Variants in PRRT1B observed in about 807,000 individuals in gnomAD.
PRRT1B encodes the protein dispanin subfamily D member 2.
intron 1 of PRRT1B, among the ~76,000 whole-genome samples, chr9:131,550,642 A>C (rs11243420): frequency 6.6e-6 from 1 of 151,670 alleles, no homozygotes; most frequent in Non-Finnish European, 1.5e-5. Flanking sequence ...CTTATGCAAG[A>C]GTCGGGACTG....
chr9:131,548,519 C>T (rs1017598684), intron 1 of PRRT1B, among the ~76,000 whole-genome samples: 2 of 152,130 alleles, frequency 1.3e-5, no homozygotes, highest in Non-Finnish European at 2.9e-5. Context: ...TAATTCTTGT[C>T]GTAAAATGGG....
rs1166093078 is a variant in PRRT1B at position 131,554,219 on chromosome 9, G to T, written c.26-338G>T. On this transcript the variant is annotated intron_variant, in intron 1 of 3. Transcript: ENST00000636672. ...AGCCAATCAGGGGCTTCCCTGGGCG[G>T]ATTATCCTTTTCTGGTCCAATTAGC... 2.0e-5 allele frequency among the ~76,000 whole-genome samples: 3 copies of T among 151,758 alleles called. No individual in the cohort carries two copies. The East Asian group carries it at 5.8e-4, about 29-fold the overall frequency.
chr9:131,557,388 A>G (rs545117538), intron 3 of PRRT1B, among the ~76,000 whole-genome samples: 1 of 152,056 alleles, frequency 6.6e-6, no homozygotes, highest in Non-Finnish European at 1.5e-5. Context: ...AAAATACAAA[A>G]ATTAGCCGGG....
chr9:131,556,001 GC>G (rs1266417884), intron 2 of PRRT1B, 68 bp from the exon 3 acceptor site: 1 of 399,378 alleles, frequency 2.5e-6, no homozygotes, highest in East Asian at 3.6e-5. Flanking sequence ...GGCCTGGCTG[GC>G]CTTCTCACTC....
At chr9:131,546,528 C>T (rs1188570562) in intron 1 of PRRT1B, among the ~76,000 whole-genome samples, 3 of 151,814 alleles carry the variant, frequency 2.0e-5, no homozygotes, top group Non-Finnish European at 4.4e-5. Context: ...GCCCCCTCAT[C>T]CCCCAGCGCG....
chr9:131,549,648 C>G (rs960553648), intron 1 of PRRT1B, among the ~76,000 whole-genome samples: 1 of 152,152 alleles, frequency 6.6e-6, no homozygotes, highest in Non-Finnish European at 1.5e-5. Flanking sequence ...AAGTCCGTCC[C>G]CTTCTTAATC....
intron 3 of PRRT1B, among the ~76,000 whole-genome samples, chr9:131,557,317 T>A (rs1322903376): frequency 6.6e-6 from 1 of 151,942 alleles, no homozygotes; most frequent in Non-Finnish European, 1.5e-5. Context: ...GGTGGGTGGG[T>A]CACCTGAGGT....
intron 2 of PRRT1B, 75 bp from the exon 3 acceptor site, chr9:131,555,995 T>C (rs533848431): frequency 2.5e-6 from 1 of 399,196 alleles, no homozygotes; most frequent in South Asian, 1.3e-4. Flanking sequence ...TTGCATGGCC[T>C]GGCTGGCCTT....
chr9:131,550,499 C>T (rs1163648586), intron 1 of PRRT1B, among the ~76,000 whole-genome samples: 1 of 152,206 alleles, frequency 6.6e-6, no homozygotes, highest in Non-Finnish European at 1.5e-5. Flanking sequence ...TGTTACCTAT[C>T]TCGGCATAAT....
chr9:131,555,150 C>A (rs1172520064), intron 2 of PRRT1B, 121 bp downstream of exon 2: 7 of 133,114 alleles, frequency 5.3e-5, no homozygotes, highest in Non-Finnish European at 7.4e-5. Flanking sequence ...GGGAGGCTCC[C>A]TGGAGGTGGG....
chr9:131,545,737 G>A (rs1400767970), intron 1 of PRRT1B, 97 bp downstream of exon 1: 1 of 404,866 alleles, frequency 2.5e-6, no homozygotes, highest in Non-Finnish European at 4.3e-6. Flanking sequence ...GCAGGTACTG[G>A]CGGGGCAGGT....
intron 1 of PRRT1B, among the ~76,000 whole-genome samples, chr9:131,548,618 C>G (rs1950990911): frequency 6.6e-6 from 1 of 152,080 alleles, no homozygotes; most frequent in Admixed American, 6.6e-5. Flanking sequence ...TGTCCCAAAT[C>G]TTCCTTCTTT....
chr9:131,547,756 A>C (rs1043159505), intron 1 of PRRT1B, among the ~76,000 whole-genome samples: 3 of 152,200 alleles, frequency 2.0e-5, no homozygotes, highest in Admixed American at 2.0e-4. Context: ...ACATCTCACC[A>C]ATTTTAAATC....
chr9:131,554,712 A>G, exon 2 of PRRT1B: 1 of 354,568 alleles, frequency 2.8e-6, no homozygotes. Context: ...CGGGGCGCCC[A>G]GCGAGGACGG....
intron 1 of PRRT1B, among the ~76,000 whole-genome samples, chr9:131,553,912 G>A (rs528429034): frequency 1.3e-5 from 2 of 152,224 alleles, no homozygotes; most frequent in Admixed American, 6.5e-5. Flanking sequence ...AGGACCTATC[G>A]TTGGGTGCTG....
chr9:131,556,286 G>A (rs543598237), intron 3 of PRRT1B, 73 bp downstream of exon 3: 202 of 399,820 alleles, frequency 5.1e-4, no homozygotes, highest in Non-Finnish European at 8.1e-4. Context: ...GGTCCACAGA[G>A]CCCCTCTTCC....
chr9:131,550,730 C>T (rs1202456864), intron 1 of PRRT1B, among the ~76,000 whole-genome samples: 1 of 152,088 alleles, frequency 6.6e-6, no homozygotes, highest in African/African-American at 2.4e-5. Flanking sequence ...CAGCAGCTGC[C>T]GCTGCTTTAA....
chr9:131,555,097 G>C (rs1407769545), intron 2 of PRRT1B, 68 bp downstream of exon 2: 1 of 387,108 alleles, frequency 2.6e-6, no homozygotes, highest in African/African-American at 2.1e-5. Flanking sequence ...GCGCCCGTGC[G>C]GAGGCCGATA....
chr9:131,552,516 G>A (rs569122083), intron 1 of PRRT1B, among the ~76,000 whole-genome samples: 80 of 152,184 alleles, frequency 5.3e-4, no homozygotes, highest in Non-Finnish European at 1.0e-3. Context: ...GGTTTGTTTG[G>A]TTTCAGGAGG....
Sources: allele counts gnomAD v4.1 joint callset (sites outside exome capture counted in the v4.1 genomes callset), GRCh38; gene constraint gnomAD v4.1.1; transcripts MANE v1.5; gene names NCBI Gene and HGNC (gene_info 2026-07-23, HGNC 2026-07-21).